Variants in REPS1 observed in about 807,000 individuals in gnomAD.
REPS1 encodes ralBP1-associated Eps domain-containing protein 1.
Under a neutral mutation model 100.9 loss-of-function variants are expected in REPS1, and 39 were observed. That is an observed-to-expected ratio of 0.39 (90% CI 0.30 to 0.50). The LOEUF (loss-of-function observed/expected upper bound fraction) is 0.50. Among genes scored for constraint, REPS1 ranks in the 20% least tolerant of loss-of-function variants. The pLI, the probability that REPS1 is intolerant of heterozygous loss-of-function variation, is 0.86. For synonymous variants in REPS1, 324 were observed against 340.3 expected (o/e 0.95, Z 0.53); for missense variants, 821 against 968.5 (o/e 0.85, Z 2.02).
chr6:138,911,204 C>T lies in REPS1; in HGVS notation c.2067+72G>A, dbSNP rs576363593. 4.3e-5 allele frequency: 44 copies of T among 1,020,916 alleles called. No individual in the cohort carries two copies. The South Asian group carries it at 5.6e-4, about 13-fold the overall frequency. The allele number at this position is 1,020,916 out of a possible 1,614,324, so 63.2% of individuals were successfully genotyped here. On this transcript the variant is annotated intron_variant, in intron 17 of 19. Transcript: ENST00000450536. Reference sequence around the variant, plus strand: ...AATGGGTTAGATGATTTCTGGCTGACCTTATTTCTAAAAATTATTTCACAT... The same window carrying T: ...AATGGGTTAGATGATTTCTGGCTGATCTTATTTCTAAAAATTATTTCACAT...
intron 5 of REPS1, among the ~76,000 whole-genome samples, 159 bp from the exon 6 acceptor site, chr6:138,944,174 T>A (rs1375752241): frequency 6.6e-6 from 1 of 152,256 alleles, no homozygotes; most frequent in Non-Finnish European, 1.5e-5. Flanking sequence ...GGATATGTTT[T>A]TGCACAATGA....
chr6:138,924,468 G>A (rs1040164569), intron 10 of REPS1, among the ~76,000 whole-genome samples: 8 of 152,090 alleles, frequency 5.3e-5, no homozygotes, highest in Admixed American at 1.3e-4. Flanking sequence ...CCTGTCAGTC[G>A]TAGGTCAATT....
rs1293264310 is a variant in REPS1, at chr6:138,944,022, T to G, written c.754-7A>C. On this transcript the variant is annotated splice_polypyrimidine_tract_variant and splice_region_variant and intron_variant, in intron 5 of 19. Coordinates refer to ENST00000450536, the MANE Select transcript of REPS1 (RefSeq NM_001286611.2). ...TTCGTACTGTTGTCTGGTCCTGTAA[T>G]GAAACATTTTTTCCTCAGTACAATA... 1.2e-6 allele frequency: 2 copies of G among 1,613,500 alleles called. No individual in the cohort carries two copies. Among genetic ancestry groups the G allele is most frequent in the South Asian group, 2.2e-5 (2 of 91,066 alleles).
At chr6:138,953,922 C>T (rs1342887232) in intron 1 of REPS1, among the ~76,000 whole-genome samples, 1 of 151,934 alleles carries the variant, frequency 6.6e-6, no homozygotes, top group East Asian at 1.9e-4. Context: ...TCACAATAGC[C>T]AAGATATGAA....
At chr6:138,968,757 C>T (rs548087393) in intron 1 of REPS1, among the ~76,000 whole-genome samples, 102 of 152,142 alleles carry the variant, frequency 6.7e-4, no homozygotes, top group Non-Finnish European at 1.2e-3. Context: ...AGCCAAACAC[C>T]ACTGTCTGCT....
intron 1 of REPS1, among the ~76,000 whole-genome samples, chr6:138,979,623 C>T (rs192288064): frequency 5.1e-4 from 78 of 152,260 alleles, no homozygotes; most frequent in Admixed American, 9.2e-4. Flanking sequence ...CAGTGAAATT[C>T]AATACAGCTG....
At chr6:138,932,475 A>G (rs1781546680) in intron 8 of REPS1, among the ~76,000 whole-genome samples, 1 of 146,072 alleles carries the variant, frequency 6.8e-6, no homozygotes, top group Non-Finnish European at 1.5e-5. Context: ...CCCCACATAC[A>G]TAAGCATTAA....
At chr6:138,980,886 GAGA>G (rs1288662050) in intron 1 of REPS1, among the ~76,000 whole-genome samples, 2 of 152,180 alleles carry the variant, frequency 1.3e-5, no homozygotes, top group Non-Finnish European at 1.5e-5. Context: ...GCACAAGTCA[GAGA>G]AGATGTCTTG....
intron 1 of REPS1, among the ~76,000 whole-genome samples, chr6:138,967,295 T>C (rs1470576891): frequency 1.3e-5 from 2 of 152,204 alleles, no homozygotes; most frequent in African/African-American, 2.4e-5. Context: ...CAACATAAAA[T>C]GGATAAGGCA....
chr6:138,915,707 A>C lies in REPS1; in HGVS notation c.1720+151T>G, dbSNP rs1356981402. On this transcript the variant is annotated intron_variant, in intron 14 of 19. Coordinates refer to ENST00000450536, the MANE Select transcript of REPS1 (RefSeq NM_001286611.2). ...ACCTCAAGTGATCTGCCTGCCCCTC[A>C]AAGTGCTGGGATTACAGGCATGAGC... The C allele has an allele frequency of 8.6e-6, 5 of 579,598 alleles. No individual in the cohort carries two copies. In the East Asian group the frequency reaches 1.6e-4, roughly 18 times the overall value. The allele number at this position is 579,598 out of a possible 1,614,324, so 35.9% of individuals were successfully genotyped here.
intron 1 of REPS1, among the ~76,000 whole-genome samples, chr6:138,965,545 T>A (rs550072258): frequency 6.6e-6 from 1 of 152,326 alleles, no homozygotes; most frequent in Non-Finnish European, 1.5e-5. Flanking sequence ...CACTATCGTA[T>A]ACTTAGGGTG....
intron 18 of REPS1, among the ~76,000 whole-genome samples, chr6:138,907,850 G>A (rs566672987): frequency 1.1e-4 from 17 of 151,886 alleles, no homozygotes; most frequent in Admixed American, 1.0e-3. Flanking sequence ...TTAAGTAAAA[G>A]AGTCTAAAGT....
intron 8 of REPS1, among the ~76,000 whole-genome samples, chr6:138,940,670 C>T (rs60039631): frequency 0.088 from 13,330 of 151,252 alleles, 1,225 homozygotes; most frequent in African/African-American, 0.23. Context: ...CGCTTGAACC[C>T]GGGAGGTGGA....
At chr6:138,911,885 A>G (rs1021284035) in intron 16 of REPS1, among the ~76,000 whole-genome samples, 1 of 152,078 alleles carries the variant, frequency 6.6e-6, no homozygotes, top group African/African-American at 2.4e-5. Context: ...TGTGTGAGGG[A>G]GAGGAGGACG....
chr6:138,945,181 C>T (rs527559929), intron 4 of REPS1, 38 bp downstream of exon 4: 26 of 1,540,972 alleles, frequency 1.7e-5, no homozygotes, highest in Non-Finnish European at 2.3e-5. Flanking sequence ...CCAGCCTGGG[C>T]AACACAATGA....
chr6:138,921,408 C>T (rs1232239108), intron 10 of REPS1, among the ~76,000 whole-genome samples: 1 of 151,784 alleles, frequency 6.6e-6, no homozygotes, highest in Non-Finnish European at 1.5e-5. Flanking sequence ...ACCTGTAATG[C>T]CAGCACTTTG....
chr6:138,949,501 C>G (rs1782857430), intron 1 of REPS1, among the ~76,000 whole-genome samples: 1 of 151,940 alleles, frequency 6.6e-6, no homozygotes, highest in Admixed American at 6.6e-5. Flanking sequence ...CCAAGGAGGG[C>G]AGATTACTTG....
intron 1 of REPS1, among the ~76,000 whole-genome samples, chr6:138,957,597 A>G (rs886874303): frequency 5.9e-5 from 9 of 152,334 alleles, no homozygotes; most frequent in African/African-American, 2.2e-4. Context: ...AAGAAAACAG[A>G]GAAAAAAAGT....
chr6:138,944,491 G>A lies in REPS1; in HGVS notation c.753+7C>T. On this transcript the variant is annotated splice_region_variant and intron_variant, in intron 5 of 19. Coordinates refer to ENST00000450536, the MANE Select transcript of REPS1 (RefSeq NM_001286611.2). ...AATAAAAATGCAATACCAATAAAAT[G>A]TCACACCTGGACAGAAGCAGGATGC... 1.2e-6 allele frequency: 2 copies of A among 1,612,140 alleles called. No individual in the cohort carries two copies. The highest frequency in any genetic ancestry group is 2.2e-5 in the East Asian group (1 of 44,864).
Sources: gnomAD v4.1 joint callset for allele counts (sites outside exome capture counted in the v4.1 genomes callset) on GRCh38, gnomAD v4.1.1 for gene constraint, MANE v1.5 for transcripts, NCBI Gene and HGNC (gene_info 2026-07-23, HGNC 2026-07-21) for gene names.